Variants in RAB3C observed in about 807,000 individuals in gnomAD.
RAB3C encodes ras-related protein Rab-3C.
A neutral mutation model predicts 26.4 loss-of-function variants in RAB3C; 17 were observed. The ratio of observed to expected loss-of-function variants is 0.64; its 90% CI spans 0.44 to 0.97. RAB3C has a LOEUF of 0.97. Among genes scored for constraint, RAB3C ranks in the 50% least tolerant of loss-of-function variants. The pLI is 0.00. For missense variants in RAB3C, 242 were observed against 281.9 expected, an observed-to-expected ratio of 0.86 and a Z score of 1.01; for synonymous variants, 91 against 95.9, an observed-to-expected ratio of 0.95 and a Z score of 0.30.
intron 2 of RAB3C, among the ~76,000 whole-genome samples, chr5:58,710,322 G>A (rs1749030288): frequency 6.6e-6 from 1 of 152,046 alleles, no homozygotes; most frequent in East Asian, 1.9e-4. Flanking sequence ...TTCCAGGCCG[G>A]GCGTGGTGGC....
At chr5:58,660,896 G>A (rs1747891456) in intron 2 of RAB3C, among the ~76,000 whole-genome samples, 1 of 150,164 alleles carries the variant, frequency 6.7e-6, no homozygotes, top group Non-Finnish European at 1.5e-5. Flanking sequence ...ATTGGCAAGA[G>A]TGAGTCATAG....
At chr5:58,838,697 T>G (rs749347452) in intron 4 of RAB3C, among the ~76,000 whole-genome samples, 5 of 152,234 alleles carry the variant, frequency 3.3e-5, no homozygotes, top group Non-Finnish European at 5.9e-5. Context: ...TATCAATGTC[T>G]GTTAGGTCCA....
At chr5:58,764,590 G>A (rs114667814) in intron 3 of RAB3C, among the ~76,000 whole-genome samples, 207 of 152,222 alleles carry the variant, frequency 1.4e-3, no homozygotes, top group African/African-American at 4.9e-3. Context: ...GATTCACTTA[G>A]ACTAGGAAAA....
intron 3 of RAB3C, among the ~76,000 whole-genome samples, chr5:58,729,330 C>T (rs1051387593): frequency 6.6e-6 from 1 of 151,838 alleles, no homozygotes. Context: ...GTATTAAATA[C>T]ATTCAACCAT....
intron 3 of RAB3C, among the ~76,000 whole-genome samples, chr5:58,791,340 G>A (rs1265478040): frequency 6.6e-6 from 1 of 152,184 alleles, no homozygotes; most frequent in Non-Finnish European, 1.5e-5. Context: ...AACCACCTGG[G>A]ACTCACAATG....
intron 2 of RAB3C, among the ~76,000 whole-genome samples, chr5:58,669,727 A>G (rs189675506): frequency 6.6e-6 from 1 of 152,324 alleles, no homozygotes; most frequent in Admixed American, 6.5e-5. Context: ...CCATAGAGTT[A>G]AAAGGATCAA....
intron 3 of RAB3C, among the ~76,000 whole-genome samples, chr5:58,739,114 A>C (rs2111942966): frequency 6.6e-6 from 1 of 152,330 alleles, no homozygotes. Flanking sequence ...TAACAGTTGC[A>C]TTTGTGACTT....
intron 2 of RAB3C, among the ~76,000 whole-genome samples, chr5:58,693,334 G>GTATGTA (rs1478527340): frequency 9.5e-5 from 8 of 83,832 alleles, no homozygotes; most frequent in Admixed American, 2.4e-4. Flanking sequence ...ATATATATAT[G>GTATGTA]TGTATATATA....
At chr5:58,676,523 A>T (rs1453545356) in intron 2 of RAB3C, among the ~76,000 whole-genome samples, 1 of 152,042 alleles carries the variant, frequency 6.6e-6, no homozygotes, top group African/African-American at 2.4e-5. Context: ...AATAAAAAAG[A>T]ACCTATTGCC....
chr5:58,732,539 C>T (rs1275347014), intron 3 of RAB3C, among the ~76,000 whole-genome samples: 2 of 152,086 alleles, frequency 1.3e-5, no homozygotes, highest in Non-Finnish European at 2.9e-5. Flanking sequence ...TATTTGCGCA[C>T]CTTCAGTGAA....
intron 2 of RAB3C, among the ~76,000 whole-genome samples, chr5:58,634,972 A>G (rs1747260236): frequency 6.6e-6 from 1 of 152,204 alleles, no homozygotes; most frequent in Non-Finnish European, 1.5e-5. Flanking sequence ...ACAGAATGTG[A>G]GATAATATAA....
At chr5:58,672,913 G>A (rs965796471) in intron 2 of RAB3C, among the ~76,000 whole-genome samples, 4 of 152,120 alleles carry the variant, frequency 2.6e-5, no homozygotes, top group Non-Finnish European at 5.9e-5. Context: ...ATATATAATG[G>A]TTGTCATTTG....
rs1325212744 is a variant in RAB3C at position 58,627,515 on chromosome 5, A to AAAAAAAAAAAAAAAAAAAAAC, written c.252+9649_252+9650insAAAAAAAAAAAAAAAACAAAA. Among the ~76,000 whole-genome samples, 75 of 60,554 alleles carry AAAAAAAAAAAAAAAAAAAAAC rather than the reference A, an allele frequency of 1.2e-3. 13 individuals carry two copies. The highest frequency in any genetic ancestry group is 2.0e-3 in the Non-Finnish European group (62 of 30,322). 39.7% of individuals were successfully genotyped at this position (60,554 alleles called of 152,430 possible). On this transcript the variant is annotated intron_variant, in intron 2 of 4. Coordinates refer to ENST00000282878, the MANE Select transcript of RAB3C (RefSeq NM_138453.4). ...AAAAAAAAAAAAAAAAAAAAAAAAA[A>AAAAAAAAAAAAAAAAAAAAAC]AAAACACAGCTTAAATTCGGTGCAA...
At chr5:58,785,554 G>C (rs1742359925) in intron 3 of RAB3C, among the ~76,000 whole-genome samples, 1 of 152,162 alleles carries the variant, frequency 6.6e-6, no homozygotes, top group Admixed American at 6.5e-5. Flanking sequence ...TGATTCAGTA[G>C]GTATGAGAGG....
In RAB3C at chr5:58,851,734, T is replaced by G; in HGVS notation, c.*383T>G. The G allele has an allele frequency of 1.3e-5, 1 of 79,764 alleles. No homozygotes were observed. Among genetic ancestry groups the G allele is most frequent in the Non-Finnish European group, 2.6e-5 (1 of 38,648 alleles). The allele number at this position is 79,764 out of a possible 1,614,324, so 4.9% of individuals were successfully genotyped here. ...ACTTGTAGGAATGATGACCAAGGAATTGCTTGTGTGTGTGTGTGTGTGTGT... is the reference window on the plus strand; with the variant it reads ...ACTTGTAGGAATGATGACCAAGGAAGTGCTTGTGTGTGTGTGTGTGTGTGT... On this transcript the variant is annotated 3_prime_UTR_variant, in exon 5 of 5. Transcript: ENST00000282878.
At chr5:58,791,416 T>C (rs1742520465) in intron 3 of RAB3C, among the ~76,000 whole-genome samples, 1 of 152,184 alleles carries the variant, frequency 6.6e-6, no homozygotes, top group South Asian at 2.1e-4. Context: ...GATGTTGGGC[T>C]GGACAAAGTA....
At chr5:58,694,253 A>G (rs1561291729) in intron 2 of RAB3C, among the ~76,000 whole-genome samples, 1 of 152,196 alleles carries the variant, frequency 6.6e-6, no homozygotes, top group Non-Finnish European at 1.5e-5. Flanking sequence ...GTCCCTGCAA[A>G]GGACATGAAC....
At chr5:58,649,758 G>A (rs1158807066) in intron 2 of RAB3C, among the ~76,000 whole-genome samples, 4 of 152,016 alleles carry the variant, frequency 2.6e-5, no homozygotes, top group South Asian at 2.1e-4. Flanking sequence ...CCACCTCATC[G>A]AAATCTGGGT....
chr5:58,660,236 G>A (rs765328713), intron 2 of RAB3C, among the ~76,000 whole-genome samples: 112 of 150,226 alleles, frequency 7.5e-4, no homozygotes, highest in Middle Eastern at 3.4e-3. Flanking sequence ...TTAGATGATT[G>A]CCTAAGCCTA....
Sources: allele counts gnomAD v4.1 joint callset (sites outside exome capture counted in the v4.1 genomes callset), GRCh38; gene constraint gnomAD v4.1.1; transcripts MANE v1.5; gene names NCBI Gene and HGNC (gene_info 2026-07-23, HGNC 2026-07-21).